IMMP2L: variants seen among roughly 807,000 people sequenced by gnomAD.
IMMP2L encodes inner mitochondrial membrane peptidase subunit 2.
IMMP2L carries 18 observed loss-of-function variants against 19.3 expected under a neutral mutation model. The ratio of observed to expected loss-of-function variants is 0.93; its 90% CI spans 0.64 to 1.38. IMMP2L has a LOEUF of 1.38. Ranked by LOEUF, IMMP2L falls within the 40% of genes most tolerant of loss-of-function variation. The probability of loss-of-function intolerance (pLI) is 0.00; values close to 1 mark genes in which losing one functional copy is unlikely to be tolerated. For missense variants in IMMP2L, 233 were observed against 218.2 expected (o/e 1.07, Z -0.43); for synonymous variants, 76 against 73.0 (o/e 1.04, Z -0.21).
At chr7:111,101,973 C>G (rs1798027307) in intron 3 of IMMP2L, among the ~76,000 whole-genome samples, 1 of 151,202 alleles carries the variant, frequency 6.6e-6, no homozygotes, top group South Asian at 2.1e-4. Context: ...TTCATGAACT[C>G]TAATTTTCAT....
At chr7:110,826,667 T>C (rs9648955) in intron 5 of IMMP2L, among the ~76,000 whole-genome samples, 38,527 of 151,444 alleles carry the variant, frequency 0.25, 5,919 homozygotes, top group East Asian at 0.48. Flanking sequence ...AAGGGGAACA[T>C]CACACACTGG....
At chr7:111,069,006 C>T (rs760352399) in intron 3 of IMMP2L, among the ~76,000 whole-genome samples, 3 of 152,156 alleles carry the variant, frequency 2.0e-5, no homozygotes, top group Admixed American at 6.5e-5. Flanking sequence ...CTTAGCTATG[C>T]ACATGGATAA....
intron 4 of IMMP2L, among the ~76,000 whole-genome samples, chr7:110,913,694 C>A (rs1468183556): frequency 6.6e-6 from 1 of 152,146 alleles, no homozygotes; most frequent in Admixed American, 6.6e-5. Context: ...ATTACTTGGT[C>A]TCTGAAGATC....
rs531014610 is a variant in IMMP2L, at chr7:111,141,815, C to T, written c.240-178250G>A. Among the ~76,000 whole-genome samples, 4 of 152,268 alleles carry T rather than the reference C, an allele frequency of 2.6e-5. No homozygotes were observed. The East Asian group carries it at 7.7e-4, about 29-fold the overall frequency. On this transcript the variant is annotated intron_variant, in intron 3 of 5. Transcript: ENST00000405709. The stretch of plus-strand genomic sequence containing the variant: ...TGCTGGGCTAAAGTGATCCTCCTGC[C>T]TCAGGCTCCCAAAAAGCTAGGGCTA...
intron 3 of IMMP2L, among the ~76,000 whole-genome samples, chr7:111,350,705 T>C (rs1270521148): frequency 6.6e-6 from 1 of 152,168 alleles, no homozygotes; most frequent in African/African-American, 2.4e-5. Flanking sequence ...TTTTATACTA[T>C]AGGAAAAGAG....
chr7:111,053,532 C>T (rs1259450448), intron 3 of IMMP2L, among the ~76,000 whole-genome samples: 3 of 152,204 alleles, frequency 2.0e-5, no homozygotes, highest in African/African-American at 7.2e-5. Context: ...TATAGAAAGA[C>T]TGCCTTTCCC....
At chr7:111,399,940 A>G (rs1350604531) in intron 3 of IMMP2L, among the ~76,000 whole-genome samples, 1 of 151,738 alleles carries the variant, frequency 6.6e-6, no homozygotes, top group Non-Finnish European at 1.5e-5. Context: ...GAACACATCA[A>G]TTATATCTAT....
intron 3 of IMMP2L, among the ~76,000 whole-genome samples, chr7:111,305,031 AT>A (rs1822708891): frequency 6.6e-6 from 1 of 152,102 alleles, no homozygotes. Context: ...AGGAAGTGAA[AT>A]AAGAAAACTC....
chr7:111,382,577 T>C lies in IMMP2L; in HGVS notation c.239+104661A>G, dbSNP rs190394418. ...AATCAAGGGATGGTTTGGGGTATTG[T>C]CATTTTTTATTTTGGACATGAGAGA... is the stretch of plus-strand genomic sequence containing the variant. On this transcript the variant is annotated intron_variant, in intron 3 of 5. Transcript: ENST00000405709. Among the ~76,000 whole-genome samples the C allele has an allele frequency of 3.3e-5, 5 of 152,204 alleles. No homozygotes were observed. The East Asian group carries it at 7.7e-4, about 24-fold the overall frequency.
rs550907849 is a variant in IMMP2L at position 110,823,386 on chromosome 7, C to G, written c.408+63207G>C. 7.2e-5 allele frequency among the ~76,000 whole-genome samples: 11 copies of G among 151,966 alleles called. No individual in the cohort carries two copies. The South Asian group carries it at 2.3e-3, about 32-fold the overall frequency. On this transcript the variant is annotated intron_variant, in intron 5 of 5. Transcript: ENST00000405709. ...TGATTACATTACTTGACTCTTGACT[C>G]AAAGAGATTATATTACTCAACCCAA... is the stretch of plus-strand genomic sequence containing the variant.
chr7:111,439,048 G>C (rs1359251380), intron 3 of IMMP2L, among the ~76,000 whole-genome samples: 1 of 151,814 alleles, frequency 6.6e-6, no homozygotes, highest in African/African-American at 2.4e-5. Flanking sequence ...TCAAGCCGGG[G>C]TCCAGCAGTT....
intron 3 of IMMP2L, among the ~76,000 whole-genome samples, chr7:111,197,965 T>C (rs777311801): frequency 1.4e-4 from 22 of 152,272 alleles, no homozygotes; most frequent in African/African-American, 4.8e-4. Flanking sequence ...GGAAAAAACA[T>C]TGACTAAATA....
intron 3 of IMMP2L, among the ~76,000 whole-genome samples, chr7:111,252,244 G>C (rs902957551): frequency 6.6e-6 from 1 of 151,976 alleles, no homozygotes; most frequent in Non-Finnish European, 1.5e-5. Flanking sequence ...ATGAAATGTA[G>C]GCATCATCAA....
At chr7:110,971,280 T>C (rs1339230591) in intron 3 of IMMP2L, among the ~76,000 whole-genome samples, 1 of 152,144 alleles carries the variant, frequency 6.6e-6, no homozygotes, top group Non-Finnish European at 1.5e-5. Flanking sequence ...AGAAAGCATC[T>C]TGGTAAAAGT....
intron 3 of IMMP2L, among the ~76,000 whole-genome samples, chr7:111,463,862 A>C (rs1245812660): frequency 6.6e-6 from 1 of 152,198 alleles, no homozygotes; most frequent in African/African-American, 2.4e-5. Flanking sequence ...GGATAAGTCA[A>C]TTCTTTAGAG....
chr7:110,820,409 CAAAG>C (rs1304068017), intron 5 of IMMP2L, among the ~76,000 whole-genome samples: 1 of 151,858 alleles, frequency 6.6e-6, no homozygotes, highest in African/African-American at 2.4e-5. Flanking sequence ...TAATAAATCA[CAAAG>C]AAAATTATAA....
At chr7:110,888,887 C>T (rs1810495144) in intron 4 of IMMP2L, among the ~76,000 whole-genome samples, 1 of 152,072 alleles carries the variant, frequency 6.6e-6, no homozygotes, top group South Asian at 2.1e-4. Flanking sequence ...GAGCCCAGAA[C>T]AGACTACACA....
intron 3 of IMMP2L, among the ~76,000 whole-genome samples, chr7:111,174,485 C>T (rs1335738806): frequency 6.6e-6 from 1 of 151,650 alleles, no homozygotes; most frequent in Admixed American, 6.6e-5. Flanking sequence ...TCCTACCTCA[C>T]TCAATGCAAA....
chr7:110,865,366 CT>C (rs1807881391), intron 5 of IMMP2L, among the ~76,000 whole-genome samples: 1 of 152,046 alleles, frequency 6.6e-6, no homozygotes, highest in Admixed American at 6.6e-5. Context: ...TGCCTTTCAG[CT>C]TTTCCCATCT....
Sources: gnomAD v4.1 joint callset for allele counts (sites outside exome capture counted in the v4.1 genomes callset) on GRCh38, gnomAD v4.1.1 for gene constraint, MANE v1.5 for transcripts, NCBI Gene and HGNC (gene_info 2026-07-23, HGNC 2026-07-21) for gene names.